The following GK variants were observed in gnomAD, a reference collection of about 807,000 sequenced individuals.
The protein encoded by GK is glycerol kinase.
GK carries 9 observed loss-of-function variants against 56.4 expected under a neutral mutation model. That is an observed-to-expected ratio of 0.16 (90% CI 0.10 to 0.28). GK has a LOEUF of 0.28. Among genes scored for constraint, GK ranks in the 10% least tolerant of loss-of-function variants. GK has a pLI of 1.00. For synonymous variants in GK, 104 were observed against 144.1 expected (o/e 0.72, Z 1.99); for missense variants, 161 against 431.4 (o/e 0.37, Z 5.55).
intron 4 of GK, among the ~76,000 whole-genome samples, chrX:30,683,230 A>AT (rs2147177885): frequency 1.8e-5 from 2 of 110,801 alleles, no homozygotes; most frequent in Admixed American, 1.9e-4. Context: ...AAATATATAT[A>AT]TTTTAAATAC....
intron 9 of GK, among the ~76,000 whole-genome samples, chrX:30,698,852 G>A (rs1376483708): frequency 1.4e-5 from 1 of 69,532 alleles, no homozygotes; most frequent in Non-Finnish European, 2.6e-5. Flanking sequence ...GGCAACAAGA[G>A]TGAAACTCCA....
intron 18 of GK, 40 bp downstream of exon 18, chrX:30,721,035 A>C: frequency 8.6e-7 from 1 of 1,162,653 alleles, no homozygotes; most frequent in Non-Finnish European, 1.2e-6. Flanking sequence ...TATACTGTGA[A>C]AACGACCTTA....
chrX:30,694,942 G>T, intron 6 of GK: 1 of 250,236 alleles, frequency 4.0e-6, no homozygotes, highest in Non-Finnish European at 7.4e-6. Context: ...ACTGTCTCTT[G>T]TATAATCAAG....
intron 1 of GK, among the ~76,000 whole-genome samples, chrX:30,664,141 A>G (rs749315529): frequency 4.6e-5 from 4 of 86,213 alleles, no homozygotes; most frequent in African/African-American, 1.8e-4. Flanking sequence ...TATATATTTT[A>G]TAGATATATA....
chrX:30,666,767 C>T (rs1425953774), intron 2 of GK, among the ~76,000 whole-genome samples: 1 of 112,188 alleles, frequency 8.9e-6, no homozygotes, highest in African/African-American at 3.2e-5. Context: ...TGACTGTCCA[C>T]AAGCCTGAAC....
chrX:30,716,627 A>G (rs747758243), intron 13 of GK, among the ~76,000 whole-genome samples: 134 of 112,148 alleles, frequency 1.2e-3, no homozygotes, highest in Non-Finnish European at 1.9e-3. Context: ...AAACTCTTAC[A>G]TATTTACTAG....
chrX:30,664,872 T>A (rs898643127), intron 1 of GK, among the ~76,000 whole-genome samples: 3 of 108,767 alleles, frequency 2.8e-5, no homozygotes, highest in Non-Finnish European at 5.7e-5. Context: ...CCTGGCTAAT[T>A]TTTTGTGTTT....
intron 17 of GK, 23 bp downstream of exon 17, chrX:30,720,764 A>T (rs1459817007): frequency 8.3e-7 from 1 of 1,206,531 alleles, no homozygotes; most frequent in Non-Finnish European, 1.1e-6. Context: ...TCATTCCTTT[A>T]AACTCCCAGA....
At chrX:30,696,238 G>A in intron 7 of GK, 87 bp downstream of exon 7, 1 of 566,258 alleles carries the variant, frequency 1.8e-6, no homozygotes, top group East Asian at 3.6e-5. Flanking sequence ...TGTCAGTGGA[G>A]CACCAAAATT....
chrX:30,661,674 C>T (rs1351641025), intron 1 of GK, among the ~76,000 whole-genome samples: 2 of 111,343 alleles, frequency 1.8e-5, no homozygotes, highest in Non-Finnish European at 3.8e-5. Context: ...GTCCTTTCTC[C>T]TCTTCATAGC....
At chrX:30,662,843 T>TCCTTC (rs1569141195) in intron 1 of GK, among the ~76,000 whole-genome samples, 6 of 36,698 alleles carry the variant, frequency 1.6e-4, no homozygotes, top group African/African-American at 6.8e-4. Flanking sequence ...CTTTCTTTCT[T>TCCTTC]TCTTTCTTTC....
chrX:30,701,272 G>T (rs918687416), intron 11 of GK, among the ~76,000 whole-genome samples: 2 of 111,216 alleles, frequency 1.8e-5, no homozygotes, highest in African/African-American at 6.5e-5. Context: ...AGCCGGGCGT[G>T]TTGGTGCATG....
chrX:30,660,550 G>T (rs745464548), intron 1 of GK, among the ~76,000 whole-genome samples: 1 of 110,795 alleles, frequency 9.0e-6, no homozygotes, highest in Non-Finnish European at 1.9e-5. Flanking sequence ...ACACCTTTTG[G>T]ATGTATACTC....
intron 4 of GK, 151 bp downstream of exon 4, chrX:30,677,603 G>C (rs943138534): frequency 1.6e-4 from 77 of 490,238 alleles, no homozygotes; most frequent in Non-Finnish European, 2.9e-5. Context: ...GAGGTGGGTG[G>C]ATCACGAGGT....
In GK at chrX:30,697,763, C is replaced by T; in HGVS notation, c.747+14C>T. ...TCTCATAGCGTGGTGAGTAGGTTGC[C>T]CGCCAATTATGTACCCATTCATTTG... On this transcript the variant is annotated intron_variant, in intron 9 of 20. Coordinates refer to ENST00000427190, the MANE Select transcript of GK (RefSeq NM_001205019.2). The T allele has an allele frequency of 1.7e-6, 2 of 1,145,717 alleles. No individual in the cohort carries two copies. The highest frequency in any genetic ancestry group is 2.4e-6 in the Non-Finnish European group (2 of 835,861). 94.4% of individuals were successfully genotyped at this position (1,145,717 alleles called of 1,213,427 possible). A position where few individuals can be genotyped will look rare whatever the true frequency, so the allele number is the denominator to read the frequency against.
intron 3 of GK, among the ~76,000 whole-genome samples, chrX:30,675,063 A>C (rs1238735141): frequency 2.7e-5 from 3 of 111,959 alleles, no homozygotes; most frequent in Non-Finnish European, 5.6e-5. Context: ...TAGGCTACAC[A>C]GCAGAAGAGA....
rs1935719526 is a variant in GK, at chrX:30,702,260, T to C, written c.851+1355T>C. On this transcript the variant is annotated intron_variant, in intron 11 of 20. Coordinates refer to ENST00000427190, the MANE Select transcript of GK (RefSeq NM_001205019.2). ...TTTCTCCATGTTGGTCAGGCTGGTC[T>C]CAAACTCCTGACCTCAGGTGATCTG... Among the ~76,000 whole-genome samples, 3 of 111,246 alleles carry C rather than the reference T, an allele frequency of 2.7e-5. No individual in the cohort carries two copies. The Admixed American group carries it at 2.9e-4, about 11-fold the overall frequency.
At chrX:30,686,367 A>G (rs2147185082) in intron 4 of GK, among the ~76,000 whole-genome samples, 1 of 112,193 alleles carries the variant, frequency 8.9e-6, no homozygotes, top group Admixed American at 9.4e-5. Flanking sequence ...CAACCCAATA[A>G]CACTTTGTAT....
At position 30,720,940 on chromosome X, in the gene GK, C is replaced by G. The variant is rs747393509; in HGVS notation, c.1446C>G (p.Pro482=). The G allele has an allele frequency of 5.8e-6, 7 of 1,210,653 alleles. No individual in the cohort carries two copies. The highest frequency in any genetic ancestry group is 7.8e-6 in the Non-Finnish European group (7 of 894,487). Residue 482 remains proline, a synonymous_variant, in exon 18 of 21, where the codon CCC becomes CCG. Transcript: ENST00000427190. The stretch of plus-strand genomic sequence containing the variant: ...GAGTCGGCGTATGGAGTCTCGAACC[C>G]GAGGATTTGTCTGCCGTCACGATGG... ...AEGVGVWSLE[P]EDLSAVTMER...
Sources: allele counts gnomAD v4.1 joint callset (sites outside exome capture counted in the v4.1 genomes callset), GRCh38; gene constraint gnomAD v4.1.1; transcripts MANE v1.5; gene names NCBI Gene and HGNC (gene_info 2026-07-23, HGNC 2026-07-21).